The following ATP13A4 variants were observed in gnomAD, a reference collection of about 807,000 sequenced individuals.
ATP13A4 encodes ATPase 13A4.
A neutral mutation model predicts 142.5 loss-of-function variants in ATP13A4; 114 were observed. That is an observed-to-expected ratio of 0.80 (90% CI 0.69 to 0.93). The LOEUF is 0.93. ATP13A4 is among the 40% of genes least tolerant of loss of function. The probability of loss-of-function intolerance (pLI) is 0.00; values close to 1 mark genes in which losing one functional copy is unlikely to be tolerated. For missense variants in ATP13A4, 1,392 were observed against 1,454.0 expected, an observed-to-expected ratio of 0.96 and a Z score of 0.69; for synonymous variants, 488 against 514.8, an observed-to-expected ratio of 0.95 and a Z score of 0.70.
intron 3 of ATP13A4, among the ~76,000 whole-genome samples, 158 bp downstream of exon 3, chr3:193,502,335 G>A (rs952212808): frequency 6.6e-6 from 1 of 152,190 alleles, no homozygotes; most frequent in East Asian, 1.9e-4. Flanking sequence ...TTTAGAAGGA[G>A]CAAGCTGAGA....
intron 1 of ATP13A4, chr3:193,553,907 C>T (rs760916945): frequency 2.6e-5 from 4 of 152,164 alleles, no homozygotes; most frequent in Non-Finnish European, 4.4e-5. Flanking sequence ...AGATTAAATG[C>T]TATTATGGAA....
intron 2 of ATP13A4, among the ~76,000 whole-genome samples, chr3:193,568,196 GGTGATCTGCCTGCCTCA>G (rs2108739916): frequency 6.6e-6 from 1 of 151,972 alleles, no homozygotes; most frequent in South Asian, 2.1e-4. Flanking sequence ...CCTGACCTCA[GGTGATCTGCCTGCCTCA>G]GACTCCCAAA....
intron 2 of ATP13A4, among the ~76,000 whole-genome samples, chr3:193,566,714 G>C (rs1166593804): frequency 6.6e-6 from 1 of 151,994 alleles, no homozygotes; most frequent in Non-Finnish European, 1.5e-5. Flanking sequence ...AAGGTCTCTT[G>C]CTAACATCTT....
intron 1 of ATP13A4, among the ~76,000 whole-genome samples, chr3:193,519,600 A>G: frequency 7.3e-6 from 1 of 136,588 alleles, no homozygotes; most frequent in South Asian, 2.5e-4. Context: ...ATACTTTTGT[A>G]GAATTTTCAC....
At chr3:193,558,489 G>T (rs954325009), upstream of ATP13A4, among the ~76,000 whole-genome samples, 1 of 152,192 alleles carries the variant, frequency 6.6e-6, no homozygotes, top group Non-Finnish European at 1.5e-5. Context: ...GAAGAATAGA[G>T]ATTTAATAAA....
intron 3 of ATP13A4, among the ~76,000 whole-genome samples, chr3:193,497,706 T>G (rs529526448): frequency 6.6e-6 from 1 of 152,056 alleles, no homozygotes; most frequent in African/African-American, 2.4e-5. Context: ...AAAATGTACA[T>G]GTACATTTTC....
rs59910562 is a variant in ATP13A4 at position 193,576,249 on chromosome 3, C to CTTTTTTTTTTT, written n.291+5447_291+5457dup. On this transcript the variant is annotated intron_variant and non_coding_transcript_variant, in intron 2 of 3. Coordinates refer to the ATP13A4 transcript ENST00000489140. ...TCCATGGAATGTGGCTTGAATCAAT[C>CTTTTTTTTTTT]TTTTTTTTTTTTTTTTTTTTTTTTT... is the stretch of plus-strand genomic sequence containing the variant. 7.4e-5 allele frequency among the ~76,000 whole-genome samples: 4 copies of CTTTTTTTTTTT among 54,400 alleles called. 1 individual carries two copies. The highest frequency in any genetic ancestry group is 1.3e-4 in the Non-Finnish European group (4 of 30,068). 35.7% of individuals were successfully genotyped at this position (54,400 alleles called of 152,430 possible). A position where few individuals can be genotyped will look rare whatever the true frequency, so the allele number is the denominator to read the frequency against.
intron 3 of ATP13A4, among the ~76,000 whole-genome samples, chr3:193,495,785 T>G (rs1205331744): frequency 2.6e-5 from 4 of 152,064 alleles, no homozygotes; most frequent in Non-Finnish European, 5.9e-5. Flanking sequence ...AGAACTTAAA[T>G]TGCCCCTTTT....
intron 18 of ATP13A4, among the ~76,000 whole-genome samples, chr3:193,444,678 G>A (rs1716838722): frequency 6.6e-6 from 1 of 152,190 alleles, no homozygotes; most frequent in Non-Finnish European, 1.5e-5. Flanking sequence ...GAAAGCAAGA[G>A]ACATTCCTGG....
chr3:193,572,721 CTA>C (rs1355620316), intron 2 of ATP13A4, among the ~76,000 whole-genome samples: 1 of 152,112 alleles, frequency 6.6e-6, no homozygotes, highest in Admixed American at 6.5e-5. Context: ...TACCCAGAAA[CTA>C]TGCACCGCTG....
chr3:193,479,930 A>G (rs1472560600), intron 8 of ATP13A4, among the ~76,000 whole-genome samples: 1 of 152,230 alleles, frequency 6.6e-6, no homozygotes, highest in Non-Finnish European at 1.5e-5. Context: ...ATATAGACCA[A>G]TGGAACACAA....
At chr3:193,464,892 A>C in intron 12 of ATP13A4, 48 bp downstream of exon 12, 1 of 1,584,536 alleles carries the variant, frequency 6.3e-7, no homozygotes, top group Non-Finnish European at 8.7e-7. Flanking sequence ...ATACATGATG[A>C]CAGCAATGGT....
chr3:193,411,208 A>G (rs1714751682), intron 27 of ATP13A4, 138 bp from the exon 28 acceptor site: 2 of 699,914 alleles, frequency 2.9e-6, no homozygotes, highest in Non-Finnish European at 5.2e-6. Flanking sequence ...GAAAGTATTC[A>G]TTTCTAAGCA....
chr3:193,540,873 C>T (rs1023597524), intron 1 of ATP13A4, among the ~76,000 whole-genome samples: 2 of 152,082 alleles, frequency 1.3e-5, no homozygotes, highest in South Asian at 2.1e-4. Flanking sequence ...CCGTGGGTGA[C>T]GGCATCATTG....
chr3:193,554,809 A>T lies in ATP13A4; in HGVS notation c.-10T>A. On this transcript the variant is annotated 5_prime_UTR_variant, in exon 1 of 30. Coordinates refer to ENST00000342695, the MANE Select transcript of ATP13A4 (RefSeq NM_032279.4). ...TCTCAAAGTGTCCCATGAAAAAGTT[A>T]TTCCACACCTCCTCCCTGACCTTGT... The T allele has an allele frequency of 6.2e-7, 1 of 1,613,934 alleles. No homozygotes were observed.
chr3:193,562,233 A>C (rs1171945100), intron 2 of ATP13A4, among the ~76,000 whole-genome samples: 4 of 152,320 alleles, frequency 2.6e-5, no homozygotes, highest in Admixed American at 6.5e-5. Flanking sequence ...ACAAAAAAAA[A>C]CTACATTTTG....
chr3:193,524,153 T>G (rs1721875665), intron 1 of ATP13A4, among the ~76,000 whole-genome samples: 1 of 152,198 alleles, frequency 6.6e-6, no homozygotes, highest in South Asian at 2.1e-4. Context: ...CAATATGAAA[T>G]GGACTAAGAC....
intron 25 of ATP13A4, among the ~76,000 whole-genome samples, chr3:193,422,205 C>T (rs1245856855): frequency 6.7e-6 from 1 of 149,664 alleles, no homozygotes; most frequent in Non-Finnish European, 1.5e-5. Context: ...ACAATGCATC[C>T]AACATTGAAG....
At chr3:193,419,490 G>C (rs1715297898) in intron 25 of ATP13A4, among the ~76,000 whole-genome samples, 1 of 150,048 alleles carries the variant, frequency 6.7e-6, no homozygotes, top group Non-Finnish European at 1.5e-5. Flanking sequence ...CCCAGTGCCT[G>C]AGTTGAAGTA....
Sources: gnomAD v4.1 joint callset for allele counts (sites outside exome capture counted in the v4.1 genomes callset) on GRCh38, gnomAD v4.1.1 for gene constraint, MANE v1.5 for transcripts, NCBI Gene and HGNC (gene_info 2026-07-23, HGNC 2026-07-21) for gene names.